Variants in SRPK2 observed in about 807,000 individuals in gnomAD.
SRPK2 encodes the protein SFRS protein kinase 2.
In SRPK2, 21 loss-of-function variants were observed where a neutral mutation model predicts 90.8. The observed-to-expected ratio is 0.23, with a 90% confidence interval of 0.16 to 0.33. The LOEUF (loss-of-function observed/expected upper bound fraction) is 0.33, where lower values mean the gene tolerates loss of function less well. SRPK2 is among the 10% of genes least tolerant of loss of function. The pLI is 1.00. For synonymous variants in SRPK2, 288 were observed against 311.1 expected (o/e 0.93, Z 0.78); for missense variants, 620 against 869.0 (o/e 0.71, Z 3.60).
Position 105,170,359 on chromosome 7 carries a change from C to G in SRPK2, c.230-1094G>C, listed in dbSNP as rs543651578. ...AGGGCTTGTTCCTCTCATCACTCTT[C>G]TGCCAACTCCTAACTCCTGCCTGGA... On this transcript the variant is annotated intron_variant, in intron 3 of 15. Coordinates refer to ENST00000393651, the MANE Select transcript of SRPK2 (RefSeq NM_182692.3). 9.2e-5 allele frequency among the ~76,000 whole-genome samples: 14 copies of G among 152,170 alleles called. No homozygotes were observed. The South Asian group carries it at 2.9e-3, about 32-fold the overall frequency.
chr7:105,177,383 G>A (rs1402661850), intron 3 of SRPK2, among the ~76,000 whole-genome samples: 1 of 152,104 alleles, frequency 6.6e-6, no homozygotes, highest in Non-Finnish European at 1.5e-5. Flanking sequence ...TACAATGTAA[G>A]GACACAAAGG....
chr7:105,138,253 A>G lies in SRPK2; in HGVS notation c.1543+3755T>C, dbSNP rs60336509. 3.3e-3 allele frequency among the ~76,000 whole-genome samples: 498 copies of G among 152,328 alleles called. 3 individuals carry two copies. Among genetic ancestry groups the G allele is most frequent in the African/African-American group, 0.012 (480 of 41,576 alleles). ...ACTGAATCAGATGCTGAGGATGCAA[A>G]GATAAAAACACACTGCACTCTCCAA... On this transcript the variant is annotated intron_variant, in intron 11 of 15. Transcript: ENST00000393651.
chr7:105,310,506 T>C (rs1811586104), intron 2 of SRPK2, among the ~76,000 whole-genome samples: 1 of 152,046 alleles, frequency 6.6e-6, no homozygotes, highest in South Asian at 2.1e-4. Context: ...TAGCAGGGCA[T>C]GGTGGCACAC....
chr7:105,138,515 T>G (rs1039466217), intron 11 of SRPK2, among the ~76,000 whole-genome samples: 2 of 152,220 alleles, frequency 1.3e-5, no homozygotes, highest in Non-Finnish European at 2.9e-5. Context: ...TAGATGATAT[T>G]AGGCCAGGTG....
At chr7:105,351,292 G>C (rs912760353) in intron 2 of SRPK2, among the ~76,000 whole-genome samples, 13 of 151,902 alleles carry the variant, frequency 8.6e-5, no homozygotes, top group African/African-American at 2.9e-4. Flanking sequence ...CCTTGACCTT[G>C]GCCTTCCCAG....
rs34080086 is a variant in SRPK2, at chr7:105,376,882, TACACACAC to T, written c.71+11758_71+11765del. Among the ~76,000 whole-genome samples, 1,044 of 121,036 alleles carry T rather than the reference TACACACAC, an allele frequency of 8.6e-3. 12 individuals carry two copies. Among genetic ancestry groups the T allele is most frequent in the African/African-American group, 0.031 (968 of 31,066 alleles). 79.4% of individuals were successfully genotyped at this position (121,036 alleles called of 152,430 possible). A position where few individuals can be genotyped will look rare whatever the true frequency, so the allele number is the denominator to read the frequency against. On this transcript the variant is annotated intron_variant, in intron 2 of 15. Coordinates refer to ENST00000393651, the MANE Select transcript of SRPK2 (RefSeq NM_182692.3). The stretch of plus-strand genomic sequence containing the variant: ...TTAATAAAAAGCACCTTTTCTCCTT[TACACACAC>T]ACACACACACACACACACACTAAAA...
chr7:105,331,610 C>T (rs76524064), intron 2 of SRPK2, among the ~76,000 whole-genome samples: 2 of 152,082 alleles, frequency 1.3e-5, no homozygotes, highest in African/African-American at 4.8e-5. Flanking sequence ...TAAATACATA[C>T]GACATTTCAC....
intron 2 of SRPK2, among the ~76,000 whole-genome samples, chr7:105,252,393 G>A (rs1802593622): frequency 6.6e-6 from 1 of 152,036 alleles, no homozygotes; most frequent in South Asian, 2.1e-4. Context: ...GAACAATAAA[G>A]GAAACAATCT....
At chr7:105,317,968 C>G (rs1168463817) in intron 2 of SRPK2, among the ~76,000 whole-genome samples, 1 of 152,092 alleles carries the variant, frequency 6.6e-6, no homozygotes, top group Non-Finnish European at 1.5e-5. Context: ...CCAGGCTGCT[C>G]TCGAACTCCT....
intron 15 of SRPK2, among the ~76,000 whole-genome samples, chr7:105,123,438 A>G (rs929261420): frequency 3.3e-5 from 5 of 152,226 alleles, no homozygotes; most frequent in Admixed American, 3.3e-4. Context: ...GGCACTCTCC[A>G]TCAGTAACTG....
chr7:105,320,745 T>A, intron 2 of SRPK2, among the ~76,000 whole-genome samples: 1 of 152,260 alleles, frequency 6.6e-6, no homozygotes, highest in East Asian at 1.9e-4. Flanking sequence ...GGTTGCAAAC[T>A]TTTTTTGTGA....
At chr7:105,349,997 A>C (rs943294381) in intron 2 of SRPK2, among the ~76,000 whole-genome samples, 8 of 151,016 alleles carry the variant, frequency 5.3e-5, no homozygotes, top group African/African-American at 1.9e-4. Context: ...TCAGCCTCCC[A>C]AAGTGCTGGG....
In SRPK2 at chr7:105,169,729, T is replaced by C. The variant is rs149739025; in HGVS notation, c.230-464A>G. Among the ~76,000 whole-genome samples the C allele has an allele frequency of 1.7e-3, 257 of 152,328 alleles. 1 individual carries two copies. The highest frequency in any genetic ancestry group is 5.0e-3 in the African/African-American group (209 of 41,570). ...GACAGCCTGACCAAAAAGTGTTCTA[T>C]GAATTCCTATTAGACTTCTTGTTTT... On this transcript the variant is annotated intron_variant, in intron 3 of 15. Transcript: ENST00000393651.
At chr7:105,392,778 G>A (rs1158798846), upstream of SRPK2, among the ~76,000 whole-genome samples, 1 of 151,114 alleles carries the variant, frequency 6.6e-6, no homozygotes, top group Non-Finnish European at 1.5e-5. Flanking sequence ...GATTACAGGT[G>A]TGAACCACTA....
At chr7:105,312,016 T>A (rs1299637747) in intron 2 of SRPK2, among the ~76,000 whole-genome samples, 2 of 152,148 alleles carry the variant, frequency 1.3e-5, no homozygotes, top group East Asian at 3.8e-4. Flanking sequence ...TATTATTCAG[T>A]CATAAAAGCA....
At chr7:105,249,134 C>T (rs1397052414) in intron 2 of SRPK2, among the ~76,000 whole-genome samples, 6 of 152,126 alleles carry the variant, frequency 3.9e-5, no homozygotes, top group African/African-American at 1.4e-4. Context: ...TTTCACACAT[C>T]TGCAGCCTGA....
chr7:105,122,106 T>A (rs192505853), intron 15 of SRPK2, among the ~76,000 whole-genome samples: 28 of 152,316 alleles, frequency 1.8e-4, no homozygotes, highest in Non-Finnish European at 3.2e-4. Context: ...TAGGTAAATA[T>A]TGGAGTTTAA....
At chr7:105,369,756 A>C (rs889198519) in intron 2 of SRPK2, among the ~76,000 whole-genome samples, 1 of 151,988 alleles carries the variant, frequency 6.6e-6, no homozygotes, top group Non-Finnish European at 1.5e-5. Context: ...GGCCGGGCAC[A>C]GTGGCTCACC....
chr7:105,212,865 G>A (rs1432085665), intron 2 of SRPK2, among the ~76,000 whole-genome samples: 1 of 152,146 alleles, frequency 6.6e-6, no homozygotes, highest in Non-Finnish European at 1.5e-5. Flanking sequence ...TAAACATGGG[G>A]TGATGGCTAC....
Sources: allele counts gnomAD v4.1 joint callset (sites outside exome capture counted in the v4.1 genomes callset), GRCh38; gene constraint gnomAD v4.1.1; transcripts MANE v1.5; gene names NCBI Gene and HGNC (gene_info 2026-07-23, HGNC 2026-07-21).